Variants in KIF16B observed in about 807,000 individuals in gnomAD.
KIF16B encodes kinesin-like protein KIF16B.
In KIF16B, 98 loss-of-function variants were observed where a neutral mutation model predicts 156.3. The ratio of observed to expected loss-of-function variants is 0.63; its 90% confidence interval spans 0.53 to 0.74. The LOEUF (loss-of-function observed/expected upper bound fraction) is 0.74. Among genes scored for constraint, KIF16B ranks in the 30% least tolerant of loss-of-function variants. The pLI, the probability that KIF16B is intolerant of heterozygous loss-of-function variation, is 0.00. For synonymous variants in KIF16B, 564 were observed against 583.7 expected, an observed-to-expected ratio of 0.97 and a Z score of 0.49; for missense variants, 1,421 against 1,606.5, an observed-to-expected ratio of 0.88 and a Z score of 1.97.
intron 25 of KIF16B, among the ~76,000 whole-genome samples, chr20:16,301,405 T>C (rs1450603507): frequency 6.6e-6 from 1 of 152,146 alleles, no homozygotes; most frequent in Non-Finnish European, 1.5e-5. Context: ...TTGTAAGAAA[T>C]CGCCAAAACT....
intron 12 of KIF16B, among the ~76,000 whole-genome samples, chr20:16,467,197 A>G (rs973946497): frequency 6.6e-6 from 1 of 152,192 alleles, no homozygotes; most frequent in African/African-American, 2.4e-5. Context: ...GGTGATGGCC[A>G]GGGCAGGGAG....
At chr20:16,433,634 T>C (rs1234375515) in intron 12 of KIF16B, among the ~76,000 whole-genome samples, 1 of 151,516 alleles carries the variant, frequency 6.6e-6, no homozygotes, top group Non-Finnish European at 1.5e-5. Flanking sequence ...CACACTCACA[T>C]ACACTTCCAT....
chr20:16,519,229 G>A (rs938630445), intron 3 of KIF16B, among the ~76,000 whole-genome samples: 3 of 152,034 alleles, frequency 2.0e-5, no homozygotes, highest in African/African-American at 7.2e-5. Flanking sequence ...TTTCAGACCA[G>A]GCACCACCTC....
At chr20:16,451,547 C>A (rs57040491) in intron 12 of KIF16B, among the ~76,000 whole-genome samples, 1,858 of 140,416 alleles carry the variant, frequency 0.013, 31 homozygotes, top group Middle Eastern at 0.03. Context: ...AAAAAAAAAC[C>A]ACCACCACCA....
At chr20:16,515,015 CATT>C (rs1477496732) in intron 4 of KIF16B, among the ~76,000 whole-genome samples, 1 of 149,262 alleles carries the variant, frequency 6.7e-6, no homozygotes, top group Non-Finnish European at 1.5e-5. Flanking sequence ...GCAAGTATAA[CATT>C]AATATCAGTT....
At chr20:16,309,409 C>G (rs1047181332) in intron 25 of KIF16B, among the ~76,000 whole-genome samples, 5 of 152,168 alleles carry the variant, frequency 3.3e-5, no homozygotes, top group Admixed American at 3.3e-4. Flanking sequence ...CCACCAGACA[C>G]ATAACCAATG....
At position 16,379,395 on chromosome 20, in the gene KIF16B, G is replaced by T; in HGVS notation, c.2607C>A (p.Asp869Glu). The T allele has an allele frequency of 6.2e-7, 1 of 1,606,318 alleles. No individual in the cohort carries two copies. Among genetic ancestry groups the T allele is most frequent in the Non-Finnish European group, 8.5e-7 (1 of 1,176,704 alleles). ...GTTTTTCCAACAATCTAGATTCTTTGTCATGTTCACATTTTAAACACTCTA... is the reference window on the plus strand; with the variant it reads ...GTTTTTCCAACAATCTAGATTCTTTTTCATGTTCACATTTTAAACACTCTA... ...EILECLKCEH[D>E]KESRLLEKHD... The change falls in exon 19 of 26, where the codon GAC becomes GAA. Residue 869 changes from aspartate (D) to glutamate (E), a missense_variant. Transcript: ENST00000354981.
Position 16,335,951 on chromosome 20 carries a change from T to C in KIF16B, c.3686A>G (p.Lys1229Arg), listed in dbSNP as rs201535067. 7.8e-5 allele frequency: 126 copies of C among 1,606,018 alleles called. No homozygotes were observed. Among genetic ancestry groups the C allele is most frequent in the Middle Eastern group, 5.0e-4 (3 of 6,028 alleles). Residue 1229 changes from lysine to arginine, a missense_variant, in exon 24 of 26, where the codon AAA becomes AGA. By Grantham distance (26) the Lys-to-Arg change is conservative. Coordinates refer to ENST00000354981, the MANE Select transcript of KIF16B (RefSeq NM_024704.5). ...RRYSRFREMHKTLKLKYAELA... is the reference protein window; with the variant it reads ...RRYSRFREMHRTLKLKYAELA... ...CTCTGCATACTTTAACTTCAATGTT[T>C]TATGCATTTCTCGAAAACGACTGTA...
intron 1 of KIF16B, among the ~76,000 whole-genome samples, chr20:16,548,813 A>T (rs2070513505): frequency 6.6e-6 from 1 of 152,176 alleles, no homozygotes; most frequent in African/African-American, 2.4e-5. Flanking sequence ...TGACCAGAAC[A>T]GGACCAGCTT....
At chr20:16,460,125 T>C (rs369451403) in intron 12 of KIF16B, among the ~76,000 whole-genome samples, 3 of 152,252 alleles carry the variant, frequency 2.0e-5, no homozygotes, top group East Asian at 3.8e-4. Flanking sequence ...CATATTATAG[T>C]AACATGCTTT....
chr20:16,335,896 T>C, intron 24 of KIF16B, 30 bp downstream of exon 24: 1 of 1,330,290 alleles, frequency 7.5e-7, no homozygotes, highest in Non-Finnish European at 1.1e-6. Context: ...ATGAATGCTC[T>C]TAATCGGAGA....
intron 12 of KIF16B, among the ~76,000 whole-genome samples, chr20:16,478,993 C>T (rs2067899402): frequency 6.6e-6 from 1 of 152,132 alleles, no homozygotes; most frequent in Admixed American, 6.6e-5. Flanking sequence ...TCACCAAAGA[C>T]ATGTCTAAGA....
intron 25 of KIF16B, among the ~76,000 whole-genome samples, chr20:16,309,458 T>A (rs900105577): frequency 6.6e-6 from 1 of 152,294 alleles, no homozygotes; most frequent in Non-Finnish European, 1.5e-5. Flanking sequence ...CTCCAAAACA[T>A]CTGACGACAG....
chr20:16,458,575 T>C (rs532788564), intron 12 of KIF16B, among the ~76,000 whole-genome samples: 26 of 152,290 alleles, frequency 1.7e-4, no homozygotes, highest in African/African-American at 6.0e-4. Flanking sequence ...TGGTTTAATA[T>C]TCCAAAAATG....
intron 1 of KIF16B, among the ~76,000 whole-genome samples, chr20:16,541,100 T>A (rs556873173): frequency 2.6e-5 from 4 of 152,094 alleles, no homozygotes; most frequent in Admixed American, 1.3e-4. Context: ...AGGGCTAGTC[T>A]CCTCCCCGAA....
At chr20:16,322,484 G>A (rs1322328337) in intron 24 of KIF16B, among the ~76,000 whole-genome samples, 3 of 151,888 alleles carry the variant, frequency 2.0e-5, no homozygotes, top group Admixed American at 1.3e-4. Context: ...GAATCCCAGG[G>A]TTGGGAATTA....
At chr20:16,359,838 C>T (rs542247485) in intron 22 of KIF16B, among the ~76,000 whole-genome samples, 95 of 152,258 alleles carry the variant, frequency 6.2e-4, no homozygotes, top group African/African-American at 2.2e-3. Flanking sequence ...GATATAAGAG[C>T]TACTGTCCCA....
chr20:16,490,481 C>T (rs1305591161), intron 12 of KIF16B, among the ~76,000 whole-genome samples: 1 of 152,132 alleles, frequency 6.6e-6, no homozygotes, highest in Non-Finnish European at 1.5e-5. Flanking sequence ...GTAGAGGTTG[C>T]AGTGAGCCGA....
At position 16,420,401 on chromosome 20, in the gene KIF16B, G is replaced by A. The variant is rs573944691; in HGVS notation, c.1612+6703C>T. ...TATGGTAAGTAATTTAGATAAGGAA[G>A]TGGTAATTACTACCAGTGTTTTTTA... On this transcript the variant is annotated intron_variant, in intron 15 of 25. Transcript: ENST00000354981. Among the ~76,000 whole-genome samples the A allele has an allele frequency of 7.3e-4, 111 of 152,268 alleles. 1 individual carries two copies. The highest frequency in any genetic ancestry group is 2.3e-3 in the South Asian group (11 of 4,828).
Sources: gnomAD v4.1 joint callset for allele counts (sites outside exome capture counted in the v4.1 genomes callset) on GRCh38, gnomAD v4.1.1 for gene constraint, MANE v1.5 for transcripts, NCBI Gene and HGNC (gene_info 2026-07-23, HGNC 2026-07-21) for gene names.